GALNT13: variants seen among roughly 807,000 people sequenced by gnomAD.
The protein encoded by GALNT13 is UDP-GalNAc:polypeptide N-acetylgalactosaminyltransferase 13.
GALNT13 carries 28 observed loss-of-function variants against 64.2 expected under a neutral mutation model. The observed-to-expected ratio is 0.44, with a 90% CI of 0.32 to 0.60. The LOEUF is 0.60. Among genes scored for constraint, GALNT13 ranks in the 20% least tolerant of loss-of-function variants. The pLI, the probability that GALNT13 is intolerant of heterozygous loss-of-function variation, is 0.05. For missense variants in GALNT13, 577 were observed against 669.8 expected (o/e 0.86, Z 1.53); for synonymous variants, 214 against 224.6 (o/e 0.95, Z 0.42).
intron 8 of GALNT13, 76 bp from the exon 9 acceptor site, chr2:154,301,333 G>GA: frequency 8.2e-7 from 1 of 1,215,772 alleles, no homozygotes; most frequent in Non-Finnish European, 1.2e-6. Flanking sequence ...AAAATACGAA[G>GA]ATTTGGCCTA....
the GALNT13 span, among the ~76,000 whole-genome samples, chr2:153,801,344 T>C: frequency 1.3e-5 from 2 of 151,974 alleles, no homozygotes; most frequent in African/African-American, 2.4e-5. Flanking sequence ...TTTTTTTTTC[T>C]ATGCTTAATC....
the GALNT13 span, among the ~76,000 whole-genome samples, chr2:153,778,077 C>T: frequency 6.6e-6 from 1 of 152,190 alleles, no homozygotes; most frequent in East Asian, 1.9e-4. Context: ...CCTGGCCAAA[C>T]TGCCTTGTTC....
At chr2:153,501,691 T>G in the GALNT13 span, among the ~76,000 whole-genome samples, 1 of 152,116 alleles carries the variant, frequency 6.6e-6, no homozygotes, top group Non-Finnish European at 1.5e-5. Flanking sequence ...GGGCTTCTCA[T>G]ATGTGCATTA....
the GALNT13 span, among the ~76,000 whole-genome samples, chr2:153,785,866 T>C: frequency 6.6e-6 from 1 of 152,076 alleles, no homozygotes; most frequent in South Asian, 2.1e-4. Context: ...GGAGAGTCCT[T>C]GGGGACCAGG....
the GALNT13 span, among the ~76,000 whole-genome samples, chr2:153,089,232 G>A: frequency 6.6e-6 from 1 of 152,094 alleles, no homozygotes; most frequent in South Asian, 2.1e-4. Flanking sequence ...TCACTTATGA[G>A]GCTTAGTTTT....
chr2:153,808,589 A>G, the GALNT13 span, among the ~76,000 whole-genome samples: 1 of 152,182 alleles, frequency 6.6e-6, no homozygotes. Context: ...TCTGTTGTTG[A>G]TGTCTTTAAT....
chr2:154,091,573 A>G (rs1701811857), intron 3 of GALNT13, among the ~76,000 whole-genome samples: 2 of 151,822 alleles, frequency 1.3e-5, no homozygotes, highest in Admixed American at 6.6e-5. Flanking sequence ...AATATATTTC[A>G]TTCTTAAATG....
chr2:153,907,165 G>A (rs1688622521), intron 2 of GALNT13, among the ~76,000 whole-genome samples: 1 of 151,508 alleles, frequency 6.6e-6, no homozygotes, highest in African/African-American at 2.4e-5. Context: ...CAGATGAGTA[G>A]GTTGCGAAAA....
chr2:154,107,846 G>A (rs769444346), intron 3 of GALNT13, among the ~76,000 whole-genome samples: 2 of 151,958 alleles, frequency 1.3e-5, no homozygotes, highest in Non-Finnish European at 2.9e-5. Flanking sequence ...ATATGTTAGA[G>A]AGAACATGTA....
At chr2:154,179,170 T>C (rs372648133) in intron 4 of GALNT13, among the ~76,000 whole-genome samples, 1 of 152,200 alleles carries the variant, frequency 6.6e-6, no homozygotes, top group African/African-American at 2.4e-5. Flanking sequence ...GTATGTTAAG[T>C]AGTAACCATT....
chr2:153,800,399 C>G, the GALNT13 span, among the ~76,000 whole-genome samples: 881 of 152,188 alleles, frequency 5.8e-3, 8 homozygotes, highest in African/African-American at 0.02. Flanking sequence ...GCTTACTGAT[C>G]AGGGTGGTGG....
chr2:154,101,381 G>T (rs1702340256), intron 3 of GALNT13, among the ~76,000 whole-genome samples: 1 of 151,730 alleles, frequency 6.6e-6, no homozygotes, highest in African/African-American at 2.4e-5. Flanking sequence ...TTCTATCTAG[G>T]AAGGCGGTAT....
At chr2:154,415,430 A>T (rs969368505) in intron 11 of GALNT13, among the ~76,000 whole-genome samples, 2 of 152,122 alleles carry the variant, frequency 1.3e-5, no homozygotes, top group Admixed American at 6.6e-5. Flanking sequence ...GGAGCCACTC[A>T]TTTGAAGACA....
intron 1 of GALNT13, among the ~76,000 whole-genome samples, chr2:153,879,116 A>C (rs898416205): frequency 1.3e-5 from 2 of 152,208 alleles, no homozygotes; most frequent in Non-Finnish European, 2.9e-5. Context: ...CTTGTAGTAT[A>C]TCACTTAACA....
intron 3 of GALNT13, among the ~76,000 whole-genome samples, chr2:153,994,231 A>G (rs903184536): frequency 1.3e-5 from 2 of 152,256 alleles, no homozygotes; most frequent in South Asian, 2.1e-4. Flanking sequence ...CTAAGTCCCT[A>G]TGAAGGATAT....
At chr2:153,593,319 C>T in the GALNT13 span, 1 of 152,228 alleles carries the variant, frequency 6.6e-6, no homozygotes, top group Non-Finnish European at 1.5e-5. Context: ...TTCTCCACTT[C>T]CCTGACAACC....
chr2:153,568,263 G>A, the GALNT13 span, among the ~76,000 whole-genome samples: 1 of 152,050 alleles, frequency 6.6e-6, no homozygotes, highest in African/African-American at 2.4e-5. Context: ...TGGCACCCAG[G>A]CTGGAGTACA....
chr2:153,172,580 T>C, the GALNT13 span, among the ~76,000 whole-genome samples: 18 of 152,144 alleles, frequency 1.2e-4, no homozygotes, highest in African/African-American at 4.1e-4. Context: ...GAGCTAGGGC[T>C]CTTGGGCAGG....
At chr2:153,134,623 CCTT>C in the GALNT13 span, among the ~76,000 whole-genome samples, 1 of 152,126 alleles carries the variant, frequency 6.6e-6, no homozygotes, top group African/African-American at 2.4e-5. Flanking sequence ...TTGCCAATCT[CCTT>C]CTCAAACTTC....
Sources: gnomAD v4.1 joint callset for allele counts (sites outside exome capture counted in the v4.1 genomes callset) on GRCh38, gnomAD v4.1.1 for gene constraint, MANE v1.5 for transcripts, NCBI Gene and HGNC (gene_info 2026-07-23, HGNC 2026-07-21) for gene names.